Variants in CENPK observed in about 807,000 individuals in gnomAD.
The protein encoded by CENPK is centromere protein K, also known as SoxLZ/Sox6-binding protein Solt.
In CENPK, 46 loss-of-function variants were observed where a neutral mutation model predicts 40.9. That is an observed-to-expected ratio of 1.13 (90% confidence interval 0.89 to 1.44). The LOEUF (loss-of-function observed/expected upper bound fraction) is 1.44. CENPK is among the 40% of genes most tolerant of loss of function. CENPK has a pLI of 0.00. For missense variants in CENPK, 288 were observed against 303.5 expected (o/e 0.95, Z 0.38); for synonymous variants, 107 against 104.4 (o/e 1.02, Z -0.15).
intron 9 of CENPK, among the ~76,000 whole-genome samples, chr5:65,525,466 A>C (rs1744527192): frequency 6.6e-6 from 1 of 152,122 alleles, no homozygotes; most frequent in Non-Finnish European, 1.5e-5. Context: ...TTCTATATGT[A>C]TATGTGCTTA....
chr5:65,542,208 G>A (rs1300508564), intron 6 of CENPK, among the ~76,000 whole-genome samples: 1 of 152,194 alleles, frequency 6.6e-6, no homozygotes, highest in Non-Finnish European at 1.5e-5. Context: ...AAGGAGAGAT[G>A]TATGTATGGG....
At position 65,534,953 on chromosome 5, in the gene CENPK, C is replaced by T. The variant is rs553716964; in HGVS notation, c.289-5754G>A. ...TGAAAAGAAGTCGGGCACCATGGCT[C>T]ATGCCTGTAGTTCCAGCACTTTGGG... On this transcript the variant is annotated intron_variant, in intron 6 of 10. Coordinates refer to ENST00000396679, the MANE Select transcript of CENPK (RefSeq NM_022145.5). 5.9e-5 allele frequency among the ~76,000 whole-genome samples: 9 copies of T among 152,270 alleles called. No individual in the cohort carries two copies. The South Asian group carries it at 1.0e-3, about 18-fold the overall frequency.
the CENPK span, among the ~76,000 whole-genome samples, chr5:65,499,660 TTTTTTA>T: frequency 3.6e-3 from 351 of 96,978 alleles, no homozygotes; most frequent in African/African-American, 0.018. Context: ...TCTTTTTTTT[TTTTTTA>T]ATTTTTTTTT....
chr5:65,506,235 T>C, the CENPK span, among the ~76,000 whole-genome samples: 57 of 147,626 alleles, frequency 3.9e-4, no homozygotes, highest in Non-Finnish European at 7.2e-4. Context: ...AAAAAAAAAA[T>C]TAGCATGGTG....
chr5:65,508,439 C>G, the CENPK span, among the ~76,000 whole-genome samples: 3,391 of 152,206 alleles, frequency 0.022, 38 homozygotes, highest in Non-Finnish European at 0.035. Flanking sequence ...CTCCTTATAA[C>G]ATATCCGATA....
At chr5:65,517,594 C>T (rs73762018), downstream of CENPK, among the ~76,000 whole-genome samples, 931 of 152,068 alleles carry the variant, frequency 6.1e-3, 8 homozygotes, top group African/African-American at 0.02. Flanking sequence ...CAGTAGAAAG[C>T]GCTTTCAAGT....
intron 3 of CENPK, among the ~76,000 whole-genome samples, chr5:65,554,384 T>A (rs1211745287): frequency 6.6e-6 from 1 of 152,118 alleles, no homozygotes; most frequent in African/African-American, 2.4e-5. Context: ...TCTCTTGACC[T>A]CATGATCCCC....
At chr5:65,559,603 T>G (rs1183165247) in intron 2 of CENPK, among the ~76,000 whole-genome samples, 1 of 135,876 alleles carries the variant, frequency 7.4e-6, no homozygotes, top group Non-Finnish European at 1.5e-5. Context: ...CACTCCAGCC[T>G]GGGCGACAGA....
chr5:65,510,394 T>A, the CENPK span, among the ~76,000 whole-genome samples: 1 of 152,182 alleles, frequency 6.6e-6, no homozygotes, highest in African/African-American at 2.4e-5. Context: ...CCAAAAACCA[T>A]GTTGAAATTT....
chr5:65,530,859 G>A (rs1030559755), intron 6 of CENPK, among the ~76,000 whole-genome samples: 9 of 152,048 alleles, frequency 5.9e-5, no homozygotes, highest in African/African-American at 2.2e-4. Context: ...GCAGTAAGCT[G>A]AGATCATACC....
At chr5:65,537,433 T>C (rs958022335) in intron 6 of CENPK, among the ~76,000 whole-genome samples, 4 of 152,152 alleles carry the variant, frequency 2.6e-5, no homozygotes, top group Admixed American at 6.5e-5. Context: ...GCCTCCCAAG[T>C]AGGTGGGACT....
At chr5:65,504,246 G>A in the CENPK span, among the ~76,000 whole-genome samples, 1 of 151,718 alleles carries the variant, frequency 6.6e-6, no homozygotes, top group South Asian at 2.1e-4. Flanking sequence ...TACCTGAGGT[G>A]AGGAGTTCGA....
the CENPK span, among the ~76,000 whole-genome samples, chr5:65,509,277 A>G: frequency 0.2 from 30,002 of 152,120 alleles, 3,494 homozygotes; most frequent in South Asian, 0.32. Flanking sequence ...GGGACAACCT[A>G]TGCATTGCTT....
intron 2 of CENPK, among the ~76,000 whole-genome samples, chr5:65,559,177 A>T (rs2150558431): frequency 6.6e-6 from 1 of 152,340 alleles, no homozygotes; most frequent in African/African-American, 2.4e-5. Context: ...AGAAGTTCTA[A>T]GGCAGACCTA....
Position 65,529,193 on chromosome 5 carries a change from T to A in CENPK, c.295A>T (p.Lys99Ter). The A allele has an allele frequency of 6.3e-7, 1 of 1,599,098 alleles. No homozygotes were observed. The highest frequency in any genetic ancestry group is 8.6e-7 in the Non-Finnish European group (1 of 1,169,458). The change falls in exon 7 of 11, where the codon AAG becomes TAG. Residue 99 changes from lysine (K) to a stop codon, truncating the protein, a stop_gained. Coordinates refer to ENST00000396679, the MANE Select transcript of CENPK (RefSeq NM_022145.5). LOFTEE classifies it high-confidence loss of function. ...LITLGKEEFQKLRQDLEMVLS... is the reference protein window; with the variant it reads ...LITLGKEEFQ ...ACCATTTCAAGATCTTGTCTCAGCT[T>A]TTGGAACTAGAATAAAATAATTCAA...
the CENPK span, among the ~76,000 whole-genome samples, chr5:65,503,653 T>C: frequency 1.3e-5 from 2 of 151,988 alleles, no homozygotes; most frequent in Admixed American, 1.3e-4. Flanking sequence ...TTTTGTCTAC[T>C]TGCTAAACTT....
chr5:65,551,215 A>ACT, intron 5 of CENPK: 1 of 359,156 alleles, frequency 2.8e-6, no homozygotes, highest in South Asian at 2.0e-5. Context: ...GTGCCACTGT[A>ACT]CTCCAGCCTG....
the CENPK span, among the ~76,000 whole-genome samples, chr5:65,504,476 A>AAC: frequency 6.6e-6 from 1 of 151,412 alleles, no homozygotes; most frequent in Non-Finnish European, 1.5e-5. Flanking sequence ...AAAAAAAAAA[A>AAC]ACCCACGAGT....
rs1440453004 is a variant in CENPK, at chr5:65,521,481, C to T, written c.645G>A (p.Met215Ile). 6.2e-7 allele frequency: 1 copy of T among 1,609,224 alleles called. No individual in the cohort carries two copies. The highest frequency in any genetic ancestry group is 8.5e-7 in the Non-Finnish European group (1 of 1,176,770). Residue 215 changes from methionine to isoleucine, a missense_variant, in exon 10 of 11, where the codon ATG (methionine) becomes ATA (isoleucine). Transcript: ENST00000396679. ...SSVNLITLHEMLEILINRLFD... is the reference protein window; with the variant it reads ...SSVNLITLHEILEILINRLFD... ...AACTACACAAAACACTTACCTCTAA[C>T]ATTTCATGCAGTGTTATCAGGTTTA...
Sources: gnomAD v4.1 joint callset for allele counts (sites outside exome capture counted in the v4.1 genomes callset) on GRCh38, gnomAD v4.1.1 for gene constraint, MANE v1.5 for transcripts, NCBI Gene and HGNC (gene_info 2026-07-23, HGNC 2026-07-21) for gene names.